Variants in NRXN1 observed in about 807,000 individuals in gnomAD.
NRXN1 encodes the protein neurexin-1.
Under a neutral mutation model 150.9 loss-of-function variants are expected in NRXN1, and 39 were observed. The observed-to-expected ratio is 0.26, with a 90% CI of 0.20 to 0.34. The LOEUF (loss-of-function observed/expected upper bound fraction) is 0.34. Ranked by LOEUF, NRXN1 falls within the 10% of genes least tolerant of loss-of-function variation. The pLI is 1.00. For missense variants in NRXN1, 1,815 were observed against 1,949.9 expected (o/e 0.93, Z 1.30); for synonymous variants, 924 against 757.0 (o/e 1.22, Z -3.62).
chr2:50,625,207 AAATC>A (rs1370261084), intron 5 of NRXN1, among the ~76,000 whole-genome samples: 4 of 152,038 alleles, frequency 2.6e-5, no homozygotes, highest in Non-Finnish European at 4.4e-5. Context: ...ATCAGAGCTC[AAATC>A]GCTTTCAACG....
At chr2:50,314,618 T>C (rs2075442596) in intron 17 of NRXN1, among the ~76,000 whole-genome samples, 1 of 122,020 alleles carries the variant, frequency 8.2e-6, no homozygotes, top group Non-Finnish European at 1.6e-5. Context: ...TTCTAAAATG[T>C]CATTATTTTT....
intron 5 of NRXN1, among the ~76,000 whole-genome samples, chr2:50,856,583 A>C (rs1293223348): frequency 5.3e-5 from 8 of 152,204 alleles, no homozygotes; most frequent in South Asian, 4.1e-4. Flanking sequence ...CATTCAGACC[A>C]AACCTAGTAT....
At chr2:50,060,861 C>T (rs1207738224) in intron 19 of NRXN1, among the ~76,000 whole-genome samples, 2 of 152,232 alleles carry the variant, frequency 1.3e-5, no homozygotes, top group East Asian at 3.9e-4. Context: ...ATGCATTAAA[C>T]CTCTTTTTCT....
chr2:50,554,211 A>G (rs1667908637), intron 8 of NRXN1, among the ~76,000 whole-genome samples: 1 of 152,100 alleles, frequency 6.6e-6, no homozygotes, highest in Non-Finnish European at 1.5e-5. Context: ...TTTTTCAGGA[A>G]TGGCATGGGT....
At chr2:50,683,352 G>T (rs965881128) in intron 5 of NRXN1, among the ~76,000 whole-genome samples, 2 of 151,472 alleles carry the variant, frequency 1.3e-5, no homozygotes, top group African/African-American at 2.4e-5. Flanking sequence ...TTAGTTACAG[G>T]CCAGGCGCAG....
intron 17 of NRXN1, among the ~76,000 whole-genome samples, chr2:50,318,297 T>C (rs1163586878): frequency 1.3e-5 from 2 of 152,054 alleles, no homozygotes; most frequent in African/African-American, 4.8e-5. Context: ...GCAAAAAATT[T>C]AAAAGTTTAG....
At chr2:49,992,525 A>G (rs1318000703) in intron 21 of NRXN1, among the ~76,000 whole-genome samples, 1 of 152,128 alleles carries the variant, frequency 6.6e-6, no homozygotes, top group African/African-American at 2.4e-5. Context: ...GGTTGCAGTG[A>G]GCCCTTCCTG....
At chr2:50,560,424 G>GTTTGTTTGTTTA (rs367680337) in intron 8 of NRXN1, among the ~76,000 whole-genome samples, 1 of 89,480 alleles carries the variant, frequency 1.1e-5, no homozygotes, top group African/African-American at 6.2e-5. Context: ...TCTGATGTAT[G>GTTTGTTTGTTTA]TTTATTTATT....
intron 17 of NRXN1, among the ~76,000 whole-genome samples, chr2:50,328,709 C>G (rs1226837071): frequency 6.6e-6 from 1 of 152,084 alleles, no homozygotes; most frequent in Non-Finnish European, 1.5e-5. Flanking sequence ...GAACTCCAGC[C>G]CAGGCAACAG....
At chr2:50,098,837 T>G (rs1558874480) in intron 18 of NRXN1, among the ~76,000 whole-genome samples, 6 of 6,658 alleles carry the variant, frequency 9.0e-4, no homozygotes, top group African/African-American at 7.6e-3. Flanking sequence ...TTAGTTTTTT[T>G]TTTTTTTTTT....
chr2:50,714,564 G>T (rs1304922837), intron 5 of NRXN1, among the ~76,000 whole-genome samples: 1 of 152,066 alleles, frequency 6.6e-6, no homozygotes, highest in Non-Finnish European at 1.5e-5. Context: ...AAAAACAGAT[G>T]AATATTAATT....
rs1447447299 is a variant in NRXN1, at chr2:49,921,684, A to G, written c.*260T>C. The G allele has an allele frequency of 2.1e-6, 1 of 471,572 alleles. No individual in the cohort carries two copies. Among genetic ancestry groups the G allele is most frequent in the Non-Finnish European group, 3.8e-6 (1 of 264,826 alleles). The allele number at this position is 471,572 out of a possible 1,614,324, so 29.2% of individuals were successfully genotyped here. A position where few individuals can be genotyped will look rare whatever the true frequency, so the allele number is the denominator to read the frequency against. On this transcript the variant is annotated 3_prime_UTR_variant, in exon 23 of 23. Transcript: ENST00000401669. Reference sequence around the variant, plus strand: ...TGTCTTTTAGAAATGTTCCAGCAACATAAAGACAAGCAGAGTAAATGAAAA... The same window carrying G: ...TGTCTTTTAGAAATGTTCCAGCAACGTAAAGACAAGCAGAGTAAATGAAAA...
chr2:50,116,974 G>C (rs1219730301), intron 18 of NRXN1, among the ~76,000 whole-genome samples: 1 of 152,066 alleles, frequency 6.6e-6, no homozygotes, highest in Non-Finnish European at 1.5e-5. Flanking sequence ...GTTACAGGGA[G>C]CTAACTTTTT....
chr2:50,867,336 T>C (rs1158126436), intron 5 of NRXN1, among the ~76,000 whole-genome samples: 1 of 151,768 alleles, frequency 6.6e-6, no homozygotes, highest in African/African-American at 2.4e-5. Context: ...TGATGGCTCA[T>C]TGAAATCAGA....
intron 19 of NRXN1, among the ~76,000 whole-genome samples, chr2:50,060,775 A>G (rs1052165676): frequency 2.0e-5 from 3 of 152,206 alleles, no homozygotes; most frequent in Non-Finnish European, 4.4e-5. Context: ...GCCTGCCACC[A>G]TGTAAGACAT....
At chr2:50,934,802 C>T (rs1688278109) in intron 2 of NRXN1, among the ~76,000 whole-genome samples, 2 of 152,070 alleles carry the variant, frequency 1.3e-5, no homozygotes, top group Non-Finnish European at 2.9e-5. Flanking sequence ...GTAATATTTC[C>T]ACTTAACCTT....
At chr2:50,429,382 G>A (rs898185510) in intron 17 of NRXN1, among the ~76,000 whole-genome samples, 13 of 152,102 alleles carry the variant, frequency 8.5e-5, no homozygotes, top group African/African-American at 2.4e-4. Context: ...TCAGCCTCCC[G>A]AGTAGCTGAA....
At chr2:50,103,065 C>T (rs1701180874) in intron 18 of NRXN1, among the ~76,000 whole-genome samples, 1 of 151,964 alleles carries the variant, frequency 6.6e-6, no homozygotes, top group Non-Finnish European at 1.5e-5. Context: ...AGTATGCAAC[C>T]TGACATTCAT....
At chr2:50,881,426 C>A (rs1472237988) in intron 5 of NRXN1, among the ~76,000 whole-genome samples, 22 of 151,986 alleles carry the variant, frequency 1.4e-4, no homozygotes, top group Non-Finnish European at 1.5e-5. Flanking sequence ...TATAAATTTT[C>A]TGTGATTTAG....
Sources: gnomAD v4.1 joint callset for allele counts (sites outside exome capture counted in the v4.1 genomes callset) on GRCh38, gnomAD v4.1.1 for gene constraint, MANE v1.5 for transcripts, NCBI Gene and HGNC (gene_info 2026-07-23, HGNC 2026-07-21) for gene names.